FSTL5: variants seen among roughly 807,000 people sequenced by gnomAD.
FSTL5 encodes follistatin like 5.
FSTL5 carries 62 observed loss-of-function variants against 89.1 expected under a neutral mutation model. That is an observed-to-expected ratio of 0.70 (90% CI 0.57 to 0.86). The LOEUF is 0.86. FSTL5 is among the 40% of genes least tolerant of loss of function. The pLI is 0.00. For synonymous variants in FSTL5, 383 were observed against 346.2 expected (o/e 1.11, Z -1.18); for missense variants, 1,057 against 1,001.6 (o/e 1.06, Z -0.75).
At chr4:161,886,777 G>GA (rs1732821913) in intron 4 of FSTL5, among the ~76,000 whole-genome samples, 1 of 152,066 alleles carries the variant, frequency 6.6e-6, no homozygotes, top group African/African-American at 2.4e-5. Flanking sequence ...TCCTAATACA[G>GA]AAAAACATAT....
chr4:161,810,630 T>G (rs756204778), intron 4 of FSTL5, among the ~76,000 whole-genome samples: 2 of 152,184 alleles, frequency 1.3e-5, no homozygotes, highest in Non-Finnish European at 2.9e-5. Context: ...AACTCAACTC[T>G]GCTACCATTG....
chr4:161,456,078 C>T (rs934727672), intron 14 of FSTL5, among the ~76,000 whole-genome samples: 13 of 152,102 alleles, frequency 8.5e-5, no homozygotes, highest in Non-Finnish European at 7.4e-5. Flanking sequence ...TGAGTTCCAT[C>T]GGAATCCCTC....
chr4:161,767,255 T>A (rs1382541598), intron 5 of FSTL5, among the ~76,000 whole-genome samples: 1 of 152,162 alleles, frequency 6.6e-6, no homozygotes, highest in African/African-American at 2.4e-5. Context: ...CACATCCAGG[T>A]CTGTTTTAGT....
intron 4 of FSTL5, among the ~76,000 whole-genome samples, chr4:161,821,158 C>T (rs1358350387): frequency 1.3e-5 from 2 of 152,072 alleles, no homozygotes; most frequent in Non-Finnish European, 2.9e-5. Context: ...CCACCTTAGC[C>T]TCCCGAGTAG....
chr4:162,107,739 A>G (rs1007836728), intron 2 of FSTL5, among the ~76,000 whole-genome samples: 5 of 152,018 alleles, frequency 3.3e-5, no homozygotes, highest in Non-Finnish European at 7.4e-5. Flanking sequence ...GGTCAATGTC[A>G]TTTTGCTTTA....
At chr4:162,107,195 A>C (rs1177495426) in intron 2 of FSTL5, among the ~76,000 whole-genome samples, 1 of 152,222 alleles carries the variant, frequency 6.6e-6, no homozygotes, top group Non-Finnish European at 1.5e-5. Context: ...TAAGTTATTT[A>C]GACTGCGTAT....
intron 1 of FSTL5, among the ~76,000 whole-genome samples, chr4:162,124,731 G>C (rs1732004732): frequency 6.6e-6 from 1 of 151,758 alleles, no homozygotes; most frequent in Non-Finnish European, 1.5e-5. Context: ...ACAGAGTCTC[G>C]CTCTGTCGCC....
chr4:161,707,238 T>G (rs994907555), intron 6 of FSTL5, among the ~76,000 whole-genome samples: 2 of 151,900 alleles, frequency 1.3e-5, no homozygotes, highest in African/African-American at 4.8e-5. Context: ...AATATTTAAT[T>G]TTCACGGATC....
intron 13 of FSTL5, among the ~76,000 whole-genome samples, chr4:161,477,983 AAATAT>A (rs1313882372): frequency 6.6e-6 from 1 of 152,070 alleles, no homozygotes; most frequent in South Asian, 2.1e-4. Context: ...TTTGGAAGTT[AAATAT>A]AATATAATAA....
chr4:162,090,157 G>A (rs540199460), intron 2 of FSTL5, among the ~76,000 whole-genome samples: 36 of 152,180 alleles, frequency 2.4e-4, no homozygotes, highest in Non-Finnish European at 4.4e-4. Context: ...GACAACCTAG[G>A]CAATACCATC....
intron 13 of FSTL5, among the ~76,000 whole-genome samples, chr4:161,474,758 G>A (rs1194667208): frequency 1.3e-5 from 2 of 152,036 alleles, no homozygotes; most frequent in Non-Finnish European, 2.9e-5. Flanking sequence ...TGTTGGCCAG[G>A]ATGGTCTCAA....
intron 8 of FSTL5, among the ~76,000 whole-genome samples, chr4:161,546,292 T>TTTTA (rs1553996338): frequency 6.9e-6 from 1 of 145,590 alleles, no homozygotes; most frequent in East Asian, 2.0e-4. Flanking sequence ...TATATACATA[T>TTTTA]TATATATATA....
intron 6 of FSTL5, among the ~76,000 whole-genome samples, chr4:161,744,430 C>A (rs1292452955): frequency 6.6e-6 from 1 of 152,060 alleles, no homozygotes; most frequent in Non-Finnish European, 1.5e-5. Flanking sequence ...GGCTTAGCAC[C>A]AATAGTGGTA....
At chr4:161,811,546 A>G (rs1045017873) in intron 4 of FSTL5, among the ~76,000 whole-genome samples, 1 of 152,166 alleles carries the variant, frequency 6.6e-6, no homozygotes, top group African/African-American at 2.4e-5. Context: ...GTAGGGAGTG[A>G]GTGGATTTTG....
rs202023045 is a variant in FSTL5 at position 161,468,502 on chromosome 4, A to T, written c.1609-9183T>A. ...ATTGCTGCCCGCAAGCATATTCCTC[A>T]GGTTAGTTGAGAATGTACTGTTATT... On this transcript the variant is annotated intron_variant, in intron 13 of 15. Coordinates refer to ENST00000306100, the MANE Select transcript of FSTL5 (RefSeq NM_020116.5). 5.3e-5 allele frequency among the ~76,000 whole-genome samples: 8 copies of T among 152,240 alleles called. No homozygotes were observed. In the South Asian group the frequency reaches 1.7e-3, roughly 32 times the overall value.
intron 4 of FSTL5, among the ~76,000 whole-genome samples, chr4:161,900,795 T>C (rs1195269286): frequency 2.6e-5 from 4 of 152,084 alleles, no homozygotes; most frequent in African/African-American, 4.8e-5. Context: ...GTGGTACTTG[T>C]TTGGTCATAC....
chr4:161,468,980 T>C (rs1733839932), intron 13 of FSTL5, among the ~76,000 whole-genome samples: 1 of 152,202 alleles, frequency 6.6e-6, no homozygotes, highest in African/African-American at 2.4e-5. Context: ...TGCTGAAATA[T>C]GTTCATAATT....
At chr4:162,034,583 A>G (rs4691806) in intron 2 of FSTL5, among the ~76,000 whole-genome samples, 14,929 of 152,152 alleles carry the variant, frequency 0.098, 856 homozygotes, top group Non-Finnish European at 0.13. Flanking sequence ...TTTTAAAGTG[A>G]ATATTGTGCA....
chr4:162,153,673 TTATATATGTATATAATAA>T (rs1285666428), intron 1 of FSTL5, among the ~76,000 whole-genome samples: 1 of 137,290 alleles, frequency 7.3e-6, no homozygotes, highest in Non-Finnish European at 1.5e-5. Flanking sequence ...TATATGTATA[TTATATATGTATATAATAA>T]TATATATGTA....
Sources: gnomAD v4.1 joint callset for allele counts (sites outside exome capture counted in the v4.1 genomes callset) on GRCh38, gnomAD v4.1.1 for gene constraint, MANE v1.5 for transcripts, NCBI Gene and HGNC (gene_info 2026-07-23, HGNC 2026-07-21) for gene names.